GCAT: variants seen among roughly 807,000 people sequenced by gnomAD.
GCAT encodes glycine C-acetyltransferase, also known as 2-amino-3-ketobutyrate coenzyme A ligase, mitochondrial.
Under a neutral mutation model 39.7 loss-of-function variants are expected in GCAT, and 26 were observed. That is an observed-to-expected ratio of 0.65 (90% CI 0.48 to 0.91). GCAT has a LOEUF of 0.91. GCAT is among the 40% of genes least tolerant of loss of function. GCAT has a pLI of 0.00. For missense variants in GCAT, 550 were observed against 576.2 expected, an observed-to-expected ratio of 0.95 and a Z score of 0.47; for synonymous variants, 218 against 237.2, an observed-to-expected ratio of 0.92 and a Z score of 0.74.
Position 37,810,083 on chromosome 22 carries a change from A to T in GCAT, c.253A>T (p.Ile85Phe), listed in dbSNP as rs1364602470. ...GGGCCTGAGCAGCCACCCTGAGGTG[A>T]TCCAGGCAGGTCTGCAGGCTCTGGA... ...YLGLSSHPEV[I>F]QAGLQALEEF... Residue 85 changes from isoleucine to phenylalanine, a missense_variant, in exon 2 of 9, where the codon ATC (isoleucine) becomes TTC (phenylalanine). Coordinates refer to ENST00000248924, the MANE Select transcript of GCAT (RefSeq NM_014291.4). 1.2e-6 allele frequency: 2 copies of T among 1,614,000 alleles called. No homozygotes were observed. Among genetic ancestry groups the T allele is most frequent in the African/African-American group, 2.7e-5 (2 of 74,920 alleles).
At chr22:37,808,310 T>C (rs1921200827) in intron 1 of GCAT, 147 bp downstream of exon 1, 2 of 633,088 alleles carry the variant, frequency 3.2e-6, no homozygotes, top group South Asian at 2.4e-5. Flanking sequence ...CTTCCTAATA[T>C]TGACTCTTGC....
At chr22:37,815,387 C>T (rs762729298) in intron 5 of GCAT, 31 bp from the exon 6 acceptor site, 6 of 1,600,998 alleles carry the variant, frequency 3.7e-6, no homozygotes, top group Non-Finnish European at 5.1e-6. Flanking sequence ...TCTCAGGAGG[C>T]CAGTGACAGC....
chr22:37,816,108 A>G (rs1922161692), intron 7 of GCAT, 92 bp from the exon 8 acceptor site: 1 of 1,456,936 alleles, frequency 6.9e-7, no homozygotes, highest in Non-Finnish European at 9.3e-7. Flanking sequence ...CTTCTTGCAG[A>G]CTTGGGCATA....
At chr22:37,810,512 A>ATTTTT (rs36110853) in intron 2 of GCAT, among the ~76,000 whole-genome samples, 3 of 103,070 alleles carry the variant, frequency 2.9e-5, no homozygotes, top group African/African-American at 4.0e-5. Flanking sequence ...CACCCAGCTA[A>ATTTTT]TTTTTTTTTT....
intron 7 of GCAT, 69 bp from the exon 8 acceptor site, chr22:37,816,131 G>C: frequency 6.4e-7 from 1 of 1,568,566 alleles, no homozygotes; most frequent in Non-Finnish European, 8.6e-7. Context: ...CCTCGGGCCT[G>C]GTCCCTGCAA....
rs554416342 is a variant in GCAT, at chr22:37,816,695, C to T, written c.1237C>T (p.Arg413Ter). The part of the protein sequence containing the change: ...RCVEAFVEVG[R>*]LHGALP Reference sequence around the variant, plus strand: ...CGTGGAGGCCTTCGTGGAAGTGGGGCGACTGCACGGGGCACTGCCCTGAGC... The same window carrying T: ...CGTGGAGGCCTTCGTGGAAGTGGGGTGACTGCACGGGGCACTGCCCTGAGC... The change falls in exon 9 of 9, where the codon CGA becomes TGA. Residue 413 changes from arginine (R) to a stop codon, truncating the protein, a stop_gained. Transcript: ENST00000248924. LOFTEE classifies it high-confidence loss of function. 17 of 1,613,874 alleles carry T rather than the reference C, an allele frequency of 1.1e-5. No individual in the cohort carries two copies. The highest frequency in any genetic ancestry group is 3.3e-5 in the Admixed American group (2 of 59,994).
chr22:37,810,033 T>G lies in GCAT; in HGVS notation c.203T>G (p.Leu68Arg). The G allele has an allele frequency of 6.2e-7, 1 of 1,614,074 alleles. No homozygotes were observed. Among genetic ancestry groups the G allele is most frequent in the Non-Finnish European group, 8.5e-7 (1 of 1,179,886 alleles). Residue 68 changes from leucine to arginine, a missense_variant, in exon 2 of 9, where the codon CTT becomes CGT. Transcript: ENST00000248924. ...IRVDGVSGGI[L>R]NFCANNYLGL... ...CTCCTCTCCTTCACCTCAGGAATCC[T>G]TAACTTCTGTGCCAACAACTACCTG...
intron 7 of GCAT, 117 bp downstream of exon 7, chr22:37,815,951 C>T (rs1196830795): frequency 3.4e-6 from 4 of 1,189,656 alleles, no homozygotes; most frequent in East Asian, 2.4e-5. Flanking sequence ...CTGCCTGTTC[C>T]CCTCCCTTCT....
Position 37,807,987 on chromosome 22 carries a change from G to GGC in GCAT, c.25_26dup (p.Ala10ProfsTer70). On this transcript the variant is annotated frameshift_variant, in exon 1 of 9. Coordinates refer to ENST00000248924, the MANE Select transcript of GCAT (RefSeq NM_014291.4). LOFTEE classifies it high-confidence loss of function. ...GGAGCGATGTGGCCTGGGAACGCCT[G>GGC]GCGCGCCGCACTCTTCTGGGTGCCC... is the stretch of plus-strand genomic sequence containing the variant. 6.5e-7 allele frequency: 1 copy of GGC among 1,537,458 alleles called. No individual in the cohort carries two copies.
At chr22:37,808,189 C>T in intron 1 of GCAT, 26 bp downstream of exon 1, 1 of 1,447,938 alleles carries the variant, frequency 6.9e-7, no homozygotes, top group Non-Finnish European at 9.1e-7. Flanking sequence ...GGGAGTCGTT[C>T]CAAGACCTTT....
chr22:37,816,835 T>C lies in GCAT; in HGVS notation c.*117T>C, dbSNP rs970624209. 23 of 1,022,950 alleles carry C rather than the reference T, an allele frequency of 2.2e-5. No individual in the cohort carries two copies. The highest frequency in any genetic ancestry group is 1.3e-4 in the African/African-American group (8 of 62,674). 63.4% of individuals were successfully genotyped at this position (1,022,950 alleles called of 1,614,324 possible). On this transcript the variant is annotated 3_prime_UTR_variant, in exon 9 of 9. Transcript: ENST00000248924. ...CTGAACCAAAGTCCCAGAGCTGGGC[T>C]GGGACGTGACCTGTGCTGAGGGCTG...
intron 8 of GCAT, 54 bp from the exon 9 acceptor site, chr22:37,816,513 G>A (rs1922214611): frequency 1.2e-6 from 2 of 1,603,834 alleles, no homozygotes; most frequent in South Asian, 1.1e-5. Flanking sequence ...TGCCCTCTGT[G>A]TTCTGCCCCC....
chr22:37,815,826 G>C lies in GCAT; in HGVS notation c.978G>C (p.Lys326Asn). The change falls in exon 7 of 9, where the codon AAG becomes AAC. Residue 326 changes from lysine to asparagine, a missense_variant. By Grantham distance (94) the Lys-to-Asn change is moderately conservative (BLOSUM62 0). Transcript: ENST00000248924. ...CCATTGTCCAGTCTATGGCTGCCAA[G>C]ACCCAGAGGTGCGACTCCCAGCAGG... Reference protein sequence around the residue: ...SNTIVQSMAAKTQRFRSKMEA... With the variant: ...SNTIVQSMAANTQRFRSKMEA... 6.2e-7 allele frequency: 1 copy of C among 1,613,912 alleles called. No homozygotes were observed. The highest frequency in any genetic ancestry group is 8.5e-7 in the Non-Finnish European group (1 of 1,179,962).
At chr22:37,817,047 G>A (rs542771771), downstream of GCAT, 118 of 244,532 alleles carry the variant, frequency 4.8e-4, no homozygotes, top group African/African-American at 2.4e-3. Flanking sequence ...CCCAGTGGCC[G>A]GGCACGGTGG....
At chr22:37,815,943 G>A in intron 7 of GCAT, 109 bp downstream of exon 7, 1 of 1,320,458 alleles carries the variant, frequency 7.6e-7, no homozygotes, top group Non-Finnish European at 1.1e-6. Context: ...GTCTGCTTCT[G>A]CCTGTTCCCC....
chr22:37,816,765 G>A lies in GCAT; in HGVS notation c.*47G>A. On this transcript the variant is annotated 3_prime_UTR_variant, in exon 9 of 9. Coordinates refer to ENST00000248924, the MANE Select transcript of GCAT (RefSeq NM_014291.4). ...AGCCAAGGTCCGCCTACTGCCACAGGGTCAAAGGAGGTTTTCGATCAGCCC... is the reference window on the plus strand; with the variant it reads ...AGCCAAGGTCCGCCTACTGCCACAGAGTCAAAGGAGGTTTTCGATCAGCCC... 1 of 1,599,922 alleles carries A rather than the reference G, an allele frequency of 6.3e-7. No homozygotes were observed. Among genetic ancestry groups the A allele is most frequent in the Admixed American group, 1.7e-5 (1 of 59,944 alleles).
intron 1 of GCAT, 129 bp from the exon 2 acceptor site, chr22:37,809,898 C>A: frequency 8.4e-7 from 1 of 1,189,034 alleles, no homozygotes; most frequent in Non-Finnish European, 1.2e-6. Context: ...GAATTTGGTG[C>A]CTCCTCAATG....
chr22:37,815,305 C>T (rs773284422), intron 5 of GCAT, 25 bp downstream of exon 5: 1 of 1,609,668 alleles, frequency 6.2e-7, no homozygotes, highest in Non-Finnish European at 8.5e-7. Flanking sequence ...CACCTGAGGC[C>T]TGGGGTGGGG....
At chr22:37,815,102 C>T in intron 4 of GCAT, 24 bp from the exon 5 acceptor site, 1 of 1,610,586 alleles carries the variant, frequency 6.2e-7, no homozygotes, top group Non-Finnish European at 8.5e-7. Context: ...CACCACCCAC[C>T]ATCTGCTCAT....
Sources: allele counts gnomAD v4.1 joint callset (sites outside exome capture counted in the v4.1 genomes callset), GRCh38; gene constraint gnomAD v4.1.1; transcripts MANE v1.5; gene names NCBI Gene and HGNC (gene_info 2026-07-23, HGNC 2026-07-21).